PREX2: variants seen among roughly 807,000 people sequenced by gnomAD.
PREX2 encodes phosphatidylinositol-3,4,5-trisphosphate dependent Rac exchange factor 2, also known as phosphatidylinositol 3,4,5-trisphosphate-dependent Rac exchanger 2 protein.
PREX2 carries 107 observed loss-of-function variants against 203.2 expected under a neutral mutation model. The observed-to-expected ratio is 0.53, with a 90% CI of 0.45 to 0.62. PREX2 has a LOEUF of 0.62. Among genes scored for constraint, PREX2 ranks in the 20% least tolerant of loss-of-function variants. The probability of loss-of-function intolerance (pLI) is 0.00; values close to 1 mark genes in which losing one functional copy is unlikely to be tolerated. For missense variants in PREX2, 1,777 were observed against 1,955.9 expected, an observed-to-expected ratio of 0.91 and a Z score of 1.72; for synonymous variants, 672 against 663.6, an observed-to-expected ratio of 1.01 and a Z score of -0.19.
At chr8:68,224,266 G>A (rs185634710) in intron 38 of PREX2, among the ~76,000 whole-genome samples, 57 of 152,116 alleles carry the variant, frequency 3.7e-4, no homozygotes, top group African/African-American at 1.3e-3. Flanking sequence ...ACCCTTCCAC[G>A]TTGGCCCCTC....
At chr8:68,162,031 C>T (rs1262327284) in intron 35 of PREX2, among the ~76,000 whole-genome samples, 1 of 152,162 alleles carries the variant, frequency 6.6e-6, no homozygotes, top group Non-Finnish European at 1.5e-5. Context: ...ACCATCAGAT[C>T]TCTTGAGATT....
chr8:68,152,173 C>G (rs1811446949), intron 34 of PREX2, among the ~76,000 whole-genome samples: 1 of 149,036 alleles, frequency 6.7e-6, no homozygotes, highest in African/African-American at 2.5e-5. Context: ...TCTGTAGTCC[C>G]AGCTACTGGG....
intron 8 of PREX2, among the ~76,000 whole-genome samples, chr8:68,049,490 A>G (rs115152074): frequency 0.015 from 2,262 of 152,152 alleles, 49 homozygotes; most frequent in African/African-American, 0.051. Flanking sequence ...CAGTTTTGGA[A>G]AAATCCCATC....
rs751699359 is a variant in PREX2 at position 68,123,700 on chromosome 8, A to G, written c.3724+2651A>G. Among the ~76,000 whole-genome samples the G allele has an allele frequency of 4.2e-4, 64 of 152,004 alleles. 1 individual carries two copies. Among genetic ancestry groups the G allele is most frequent in the Admixed American group, 7.2e-4 (11 of 15,240 alleles). ...TCCTGGACACATGCACCCTCCCAAG[A>G]CTGAACCAGAAAGAAATTGAATCCC... On this transcript the variant is annotated intron_variant, in intron 30 of 39. Transcript: ENST00000288368.
At position 67,952,645 on chromosome 8, in the gene PREX2, G is replaced by A. The variant is rs1805386833; in HGVS notation, c.141+110G>A. 3 of 1,454,464 alleles carry A rather than the reference G, an allele frequency of 2.1e-6. No homozygotes were observed. In the Admixed American group the frequency reaches 5.9e-5, roughly 29 times the overall value. 90.1% of individuals were successfully genotyped at this position (1,454,464 alleles called of 1,614,324 possible). On this transcript the variant is annotated intron_variant, in intron 1 of 39. Coordinates refer to ENST00000288368, the MANE Select transcript of PREX2 (RefSeq NM_024870.4). ...TTGTCTGTGCGGGGACCCGGGACGG[G>A]TCGGGGCATCACAGGCGCGGGAATC...
intron 35 of PREX2, among the ~76,000 whole-genome samples, chr8:68,180,742 T>C (rs1394604579): frequency 6.6e-6 from 1 of 152,116 alleles, no homozygotes; most frequent in East Asian, 1.9e-4. Flanking sequence ...ATCTAGAAAG[T>C]ATCCACTGGA....
At chr8:68,006,839 G>A (rs1216833002) in intron 1 of PREX2, among the ~76,000 whole-genome samples, 1 of 152,146 alleles carries the variant, frequency 6.6e-6, no homozygotes, top group African/African-American at 2.4e-5. Context: ...GGGGATATTT[G>A]GGATTTTGCA....
rs147805242 is a variant in PREX2 at position 68,116,478 on chromosome 8, A to C, written c.3326+546A>C. Among the ~76,000 whole-genome samples the C allele has an allele frequency of 2.6e-4, 40 of 152,330 alleles. No individual in the cohort carries two copies. The East Asian group carries it at 7.0e-3, about 26-fold the overall frequency. Reference sequence around the variant, plus strand: ...TTACTACAAACTGGGCAGCTTAAAAAACAGAAATTTATTATCACACAGTTC... The same window carrying C: ...TTACTACAAACTGGGCAGCTTAAAACACAGAAATTTATTATCACACAGTTC... On this transcript the variant is annotated intron_variant, in intron 26 of 39. Coordinates refer to ENST00000288368, the MANE Select transcript of PREX2 (RefSeq NM_024870.4).
intron 24 of PREX2, chr8:68,108,991 A>G (rs1217797185): frequency 2.2e-6 from 1 of 446,698 alleles, no homozygotes; most frequent in Non-Finnish European, 4.5e-6. Flanking sequence ...GAGAAATATA[A>G]AAAAGTTGAT....
intron 12 of PREX2, 112 bp downstream of exon 12, chr8:68,069,248 G>C: frequency 1.6e-6 from 1 of 614,550 alleles, no homozygotes; most frequent in Non-Finnish European, 2.8e-6. Context: ...AAAATTCTTC[G>C]ACTATATATA....
chr8:68,181,364 A>C (rs1314259860), intron 35 of PREX2, among the ~76,000 whole-genome samples: 1 of 152,068 alleles, frequency 6.6e-6, no homozygotes, highest in African/African-American at 2.4e-5. Flanking sequence ...GCCATATTCC[A>C]TTTTTCCTGG....
At chr8:68,122,376 C>T (rs1810792863) in intron 30 of PREX2, among the ~76,000 whole-genome samples, 1 of 151,902 alleles carries the variant, frequency 6.6e-6, no homozygotes, top group South Asian at 2.1e-4. Context: ...TAATGTTTAT[C>T]TGTGATACTT....
At chr8:68,030,753 A>T in intron 6 of PREX2, 95 bp downstream of exon 6, 1 of 1,156,720 alleles carries the variant, frequency 8.6e-7, no homozygotes, top group Non-Finnish European at 1.3e-6. Context: ...ATAAATGGTC[A>T]TTTTCTCAGA....
rs773980090 is a variant in PREX2 at position 68,030,563 on chromosome 8, A to G, written c.610A>G (p.Met204Val). Residue 204 changes from methionine (M) to valine (V), a missense_variant, in exon 6 of 40, where the codon ATG becomes GTG. Physicochemically the swap from Met to Val is conservative, Grantham distance 21. Coordinates refer to ENST00000288368, the MANE Select transcript of PREX2 (RefSeq NM_024870.4). ...AGCAGTGATGGAAGCCCTCCAAGCC[A>G]TGAAAGCTGTCTGTTCCAACATAAA... ...YAAVMEALQA[M>V]KAVCSNINEA... 3 of 1,613,792 alleles carry G rather than the reference A, an allele frequency of 1.9e-6. No homozygotes were observed. Among genetic ancestry groups the G allele is most frequent in the South Asian group, 1.1e-5 (1 of 91,068 alleles).
chr8:67,989,840 A>G (rs990011121), intron 1 of PREX2, among the ~76,000 whole-genome samples: 12 of 152,232 alleles, frequency 7.9e-5, no homozygotes, highest in African/African-American at 2.7e-4. Flanking sequence ...TCTGTAAACA[A>G]TTGTCTCCAT....
chr8:68,118,557 A>G lies in PREX2; in HGVS notation c.3334A>G (p.Asn1112Asp). ...GAAACCTGTTGTTTTCAGTGACTGC[A>G]ACAGCAATAGGAATTCCATCGCCTC... ...ISNRDSYSDC[N>D]SNRNSIASFT... The change falls in exon 27 of 40, where the codon AAC (asparagine) becomes GAC (aspartate). Residue 1112 changes from asparagine to aspartate, a missense_variant. By Grantham distance (23) the Asn-to-Asp change is conservative (BLOSUM62 1). Coordinates refer to ENST00000288368, the MANE Select transcript of PREX2 (RefSeq NM_024870.4). 6.2e-7 allele frequency: 1 copy of G among 1,613,550 alleles called. No individual in the cohort carries two copies. The highest frequency in any genetic ancestry group is 8.5e-7 in the Non-Finnish European group (1 of 1,179,494).
intron 21 of PREX2, chr8:68,095,164 C>T (rs1289312730): frequency 6.6e-6 from 1 of 152,172 alleles, no homozygotes; most frequent in Non-Finnish European, 1.5e-5. Flanking sequence ...CTCTCCAATT[C>T]CTGTCATTTA....
At chr8:68,103,811 C>A in intron 23 of PREX2, 1 of 480,972 alleles carries the variant, frequency 2.1e-6, no homozygotes, top group Non-Finnish European at 4.1e-6. Flanking sequence ...TCTGTGGTAT[C>A]CTATGCTGAC....
chr8:67,990,018 C>T (rs747026288), intron 1 of PREX2, among the ~76,000 whole-genome samples: 4 of 151,790 alleles, frequency 2.6e-5, no homozygotes, highest in African/African-American at 7.3e-5. Flanking sequence ...GACAGTCTCG[C>T]TGTGTTGCTC....
Sources: allele counts gnomAD v4.1 joint callset (sites outside exome capture counted in the v4.1 genomes callset), GRCh38; gene constraint gnomAD v4.1.1; transcripts MANE v1.5; gene names NCBI Gene and HGNC (gene_info 2026-07-23, HGNC 2026-07-21).